NXPH1: variants seen among roughly 807,000 people sequenced by gnomAD.
NXPH1 encodes neurexophilin-1.
NXPH1 carries 5 observed loss-of-function variants against 23.7 expected under a neutral mutation model. That is an observed-to-expected ratio of 0.21 (90% CI 0.11 to 0.44). The LOEUF is 0.44. Among genes scored for constraint, NXPH1 ranks in the 20% least tolerant of loss-of-function variants. The pLI is 0.99. For missense variants in NXPH1, 324 were observed against 321.6 expected (o/e 1.01, Z -0.06); for synonymous variants, 144 against 122.2 (o/e 1.18, Z -1.18).
At chr7:8,655,726 G>C (rs1171473823) in intron 2 of NXPH1, among the ~76,000 whole-genome samples, 1 of 152,150 alleles carries the variant, frequency 6.6e-6, no homozygotes, top group Non-Finnish European at 1.5e-5. Context: ...TTCAAGAAGA[G>C]TTCACAGGCA....
intron 2 of NXPH1, among the ~76,000 whole-genome samples, chr7:8,609,670 T>C (rs982096559): frequency 4.6e-5 from 7 of 152,166 alleles, no homozygotes; most frequent in African/African-American, 7.2e-5. Context: ...TGTCCTCCAT[T>C]GTGTTGTAGA....
intron 2 of NXPH1, among the ~76,000 whole-genome samples, chr7:8,482,250 C>T (rs1817086328): frequency 6.6e-6 from 1 of 152,148 alleles, no homozygotes; most frequent in Non-Finnish European, 1.5e-5. Context: ...TGGAATCTGG[C>T]CCCTGTCAGC....
intron 2 of NXPH1, among the ~76,000 whole-genome samples, chr7:8,476,075 T>G (rs1412759249): frequency 6.6e-6 from 1 of 152,164 alleles, no homozygotes; most frequent in African/African-American, 2.4e-5. Flanking sequence ...TGAAAGTAAT[T>G]TGATAAGTTC....
At chr7:8,633,959 A>C (rs368276364) in intron 2 of NXPH1, among the ~76,000 whole-genome samples, 2 of 152,184 alleles carry the variant, frequency 1.3e-5, no homozygotes. Context: ...CCTTTGCTTA[A>C]GAGCATCTGT....
intron 2 of NXPH1, among the ~76,000 whole-genome samples, chr7:8,738,475 G>T (rs890526834): frequency 1.3e-5 from 2 of 152,186 alleles, no homozygotes; most frequent in African/African-American, 4.8e-5. Context: ...AAAGATTGCT[G>T]CCTGTTCCTT....
chr7:8,592,818 G>A (rs908780910), intron 2 of NXPH1, among the ~76,000 whole-genome samples: 2 of 145,924 alleles, frequency 1.4e-5, no homozygotes, highest in Non-Finnish European at 1.5e-5. Flanking sequence ...CACATATTGT[G>A]AAATAGTCTT....
intron 2 of NXPH1, among the ~76,000 whole-genome samples, chr7:8,711,224 T>C (rs2115197340): frequency 6.6e-6 from 1 of 152,326 alleles, no homozygotes; most frequent in South Asian, 2.1e-4. Flanking sequence ...ACTTATTTTT[T>C]GACCCCATTG....
chr7:8,681,830 A>G (rs941412310), intron 2 of NXPH1, among the ~76,000 whole-genome samples: 2 of 152,090 alleles, frequency 1.3e-5, no homozygotes, highest in Non-Finnish European at 2.9e-5. Context: ...CCACATCTAT[A>G]TTTTTCCAGT....
chr7:8,514,729 A>G (rs747922456), intron 2 of NXPH1, among the ~76,000 whole-genome samples: 1 of 152,130 alleles, frequency 6.6e-6, no homozygotes, highest in African/African-American at 2.4e-5. Context: ...ACTGTGCAAG[A>G]CTGCATATTA....
chr7:8,516,041 T>C (rs1817681787), intron 2 of NXPH1, among the ~76,000 whole-genome samples: 1 of 152,178 alleles, frequency 6.6e-6, no homozygotes, highest in Admixed American at 6.5e-5. Flanking sequence ...AACCTTCGAT[T>C]TGATTGTTTA....
chr7:8,557,410 A>G (rs903082469), intron 2 of NXPH1, among the ~76,000 whole-genome samples: 8 of 151,684 alleles, frequency 5.3e-5, no homozygotes, highest in South Asian at 2.1e-4. Context: ...CTTCCATGGT[A>G]TACTGGGGTC....
intron 2 of NXPH1, among the ~76,000 whole-genome samples, chr7:8,711,359 A>G (rs1337554108): frequency 6.6e-6 from 1 of 152,164 alleles, no homozygotes; most frequent in Admixed American, 6.5e-5. Context: ...GTAAAATAGT[A>G]TATTTTTTTC....
intron 2 of NXPH1, among the ~76,000 whole-genome samples, chr7:8,561,749 A>G (rs1404619841): frequency 1.3e-5 from 2 of 151,620 alleles, no homozygotes; most frequent in African/African-American, 2.4e-5. Context: ...GGAAGAAAAG[A>G]GAAAAAAAGT....
chr7:8,512,886 A>C (rs1381539950), intron 2 of NXPH1, among the ~76,000 whole-genome samples: 4 of 152,166 alleles, frequency 2.6e-5, no homozygotes, highest in Non-Finnish European at 5.9e-5. Context: ...CTACATTCTT[A>C]GAAACAGTAA....
chr7:8,630,284 C>T (rs1820100762), intron 2 of NXPH1, among the ~76,000 whole-genome samples: 1 of 152,000 alleles, frequency 6.6e-6, no homozygotes, highest in East Asian at 1.9e-4. Context: ...TTAATTCAAT[C>T]CAATACTGAA....
intron 2 of NXPH1, among the ~76,000 whole-genome samples, chr7:8,640,034 A>C (rs927219788): frequency 5.9e-5 from 9 of 152,068 alleles, no homozygotes. Context: ...TGTTTTTCTT[A>C]TTGATTTATA....
At chr7:8,621,769 A>T (rs1400286124) in intron 2 of NXPH1, among the ~76,000 whole-genome samples, 2 of 152,128 alleles carry the variant, frequency 1.3e-5, no homozygotes, top group Non-Finnish European at 2.9e-5. Flanking sequence ...TCAACTCTTT[A>T]TTGAGCACTT....
intron 2 of NXPH1, among the ~76,000 whole-genome samples, chr7:8,518,275 G>A (rs1018469814): frequency 2.4e-4 from 36 of 152,060 alleles, no homozygotes; most frequent in African/African-American, 8.5e-4. Context: ...CTGATCAGGG[G>A]CCTGGGTATG....
intron 2 of NXPH1, among the ~76,000 whole-genome samples, chr7:8,684,662 G>A (rs552287195): frequency 2.5e-4 from 38 of 152,206 alleles, no homozygotes; most frequent in African/African-American, 7.7e-4. Flanking sequence ...ATAATAAACC[G>A]GATATACTCA....
Sources: allele counts gnomAD v4.1 joint callset (sites outside exome capture counted in the v4.1 genomes callset), GRCh38; gene constraint gnomAD v4.1.1; transcripts MANE v1.5; gene names NCBI Gene and HGNC (gene_info 2026-07-23, HGNC 2026-07-21).